The following NTNG1 variants were observed in gnomAD, a reference collection of about 807,000 sequenced individuals.
NTNG1 encodes netrin G1.
In NTNG1, 16 loss-of-function variants were observed where a neutral mutation model predicts 54.0. The observed-to-expected ratio is 0.30, with a 90% CI of 0.20 to 0.45. The LOEUF (loss-of-function observed/expected upper bound fraction) is 0.45, where lower values mean the gene tolerates loss of function less well. Among genes scored for constraint, NTNG1 ranks in the 20% least tolerant of loss-of-function variants. The probability of loss-of-function intolerance (pLI) is 1.00; values close to 1 mark genes in which losing one functional copy is unlikely to be tolerated. For synonymous variants in NTNG1, 255 were observed against 263.1 expected (o/e 0.97, Z 0.30); for missense variants, 530 against 678.7 (o/e 0.78, Z 2.43).
chr1:107,226,792 T>G (rs1179028647), intron 2 of NTNG1, among the ~76,000 whole-genome samples: 1 of 152,116 alleles, frequency 6.6e-6, no homozygotes, highest in Non-Finnish European at 1.5e-5. Flanking sequence ...GCTGGTTTCT[T>G]CCTCGCATGT....
chr1:107,377,780 C>G (rs1264716347), intron 3 of NTNG1, among the ~76,000 whole-genome samples: 1 of 152,200 alleles, frequency 6.6e-6, no homozygotes, highest in African/African-American at 2.4e-5. Flanking sequence ...GGGAATCTCC[C>G]TAGACGTGTG....
chr1:107,315,021 C>T (rs1389688046), intron 2 of NTNG1, among the ~76,000 whole-genome samples: 1 of 152,128 alleles, frequency 6.6e-6, no homozygotes, highest in African/African-American at 2.4e-5. Context: ...TCAAATTTAA[C>T]ATTTCCAGTC....
At chr1:107,211,640 C>G (rs1450881386) in intron 2 of NTNG1, among the ~76,000 whole-genome samples, 2 of 152,144 alleles carry the variant, frequency 1.3e-5, no homozygotes, top group East Asian at 1.9e-4. Flanking sequence ...GTGATGAGAT[C>G]TCTCACCAGA....
intron 6 of NTNG1, among the ~76,000 whole-genome samples, chr1:107,433,865 T>C (rs2101354588): frequency 6.6e-6 from 1 of 152,314 alleles, no homozygotes; most frequent in South Asian, 2.1e-4. Context: ...TCTGGCTCCT[T>C]TGCTAAGGTT....
Position 107,155,493 on chromosome 1 carries a change from C to T in NTNG1, c.246+6654C>T, listed in dbSNP as rs535498864. Among the ~76,000 whole-genome samples, 89 of 152,066 alleles carry T rather than the reference C, an allele frequency of 5.9e-4. 4 individuals carry two copies. The South Asian group carries it at 0.018, about 31-fold the overall frequency. ...TATCTAGATAGACATATATAGTAGC[C>T]AGCACTGCCTGTGTACTCAACTGTA... On this transcript the variant is annotated intron_variant, in intron 2 of 7. Transcript: ENST00000370068.
intron 2 of NTNG1, among the ~76,000 whole-genome samples, chr1:107,313,646 C>T (rs1275826108): frequency 6.6e-6 from 1 of 151,996 alleles, no homozygotes; most frequent in Non-Finnish European, 1.5e-5. Context: ...AGAAGGAAAA[C>T]AGGCAAAACA....
chr1:107,305,523 G>A (rs1403050364), intron 2 of NTNG1, among the ~76,000 whole-genome samples: 2 of 151,998 alleles, frequency 1.3e-5, no homozygotes, highest in South Asian at 2.1e-4. Context: ...TTTGTTGGCC[G>A]CATAAATGTC....
chr1:107,436,529 A>G (rs373774109), intron 6 of NTNG1, 136 bp from the exon 7 acceptor site: 10 of 614,586 alleles, frequency 1.6e-5, no homozygotes, highest in African/African-American at 1.9e-5. Flanking sequence ...TGAAATAGCC[A>G]TATTTGCCGA....
rs149580283 is a variant in NTNG1, at chr1:107,278,022, G to A, written c.247-46260G>A. Among the ~76,000 whole-genome samples the A allele has an allele frequency of 5.4e-3, 823 of 152,246 alleles. 23 individuals are homozygous for A. The highest frequency in any genetic ancestry group is 0.048 in the Admixed American group (732 of 15,294). ...TAGAAGGCAGTGCTATTAAAAACAC[G>A]TGATTGGTTTCCCTGCTCAATCCCA... On this transcript the variant is annotated intron_variant, in intron 2 of 7. Coordinates refer to ENST00000370068, the MANE Select transcript of NTNG1 (RefSeq NM_001113226.3).
intron 2 of NTNG1, among the ~76,000 whole-genome samples, chr1:107,291,524 C>CGT (rs1665604665): frequency 6.6e-6 from 1 of 151,784 alleles, no homozygotes. Flanking sequence ...TATGTGTGTA[C>CGT]GTGTGTGTGT....
At chr1:107,404,084 TATA>T (rs1159966116) in intron 4 of NTNG1, among the ~76,000 whole-genome samples, 1 of 3,848 alleles carries the variant, frequency 2.6e-4, no homozygotes, top group African/African-American at 2.8e-4. Context: ...TCTTAATTTA[TATA>T]TATATATATA....
At chr1:107,342,130 C>T (rs992598668) in intron 3 of NTNG1, among the ~76,000 whole-genome samples, 2 of 151,922 alleles carry the variant, frequency 1.3e-5, no homozygotes, top group Admixed American at 1.3e-4. Context: ...TTGAGTATAT[C>T]CTATTTTAAA....
intron 2 of NTNG1, among the ~76,000 whole-genome samples, chr1:107,163,859 G>A (rs771458459): frequency 8.5e-5 from 13 of 152,286 alleles, no homozygotes; most frequent in Non-Finnish European, 1.8e-4. Context: ...GGCTCAATAT[G>A]TTGGCTCTCA....
intron 2 of NTNG1, among the ~76,000 whole-genome samples, chr1:107,292,449 A>C (rs1665673908): frequency 6.6e-6 from 1 of 152,186 alleles, no homozygotes; most frequent in South Asian, 2.1e-4. Context: ...CAGCAGTGTC[A>C]GGCGATCCTC....
rs1678892494 is a variant in NTNG1 at position 107,484,105 on chromosome 1, C to A, written c.*3265C>A. On this transcript the variant is annotated 3_prime_UTR_variant, in exon 8 of 8. Transcript: ENST00000370068. ...GGGGGTTTAAACTCCTGGAGGCAAG[C>A]AACATCCTGAGTGCATATACCTGGG... Among the ~76,000 whole-genome samples, 2 of 152,192 alleles carry A rather than the reference C, an allele frequency of 1.3e-5. No homozygotes were observed. The highest frequency in any genetic ancestry group is 1.9e-4 in the East Asian group (1 of 5,176).
intron 2 of NTNG1, among the ~76,000 whole-genome samples, chr1:107,268,596 T>C (rs1171211665): frequency 3.9e-5 from 6 of 152,070 alleles, no homozygotes; most frequent in African/African-American, 1.4e-4. Context: ...ACCAGTCTCA[T>C]GGCTTTAAGT....
At chr1:107,393,306 G>A (rs1672477720) in intron 3 of NTNG1, among the ~76,000 whole-genome samples, 1 of 152,046 alleles carries the variant, frequency 6.6e-6, no homozygotes, top group Non-Finnish European at 1.5e-5. Context: ...TATCACTTAG[G>A]TTTTAAACAT....
chr1:107,170,040 T>C (rs1212547541), intron 2 of NTNG1, among the ~76,000 whole-genome samples: 1 of 152,140 alleles, frequency 6.6e-6, no homozygotes, highest in Non-Finnish European at 1.5e-5. Context: ...TCTAGGATAA[T>C]CTCCCTTACT....
intron 2 of NTNG1, among the ~76,000 whole-genome samples, chr1:107,308,968 C>T (rs552889232): frequency 4.6e-5 from 7 of 152,080 alleles, no homozygotes; most frequent in African/African-American, 1.2e-4. Context: ...TCATTTTCAC[C>T]GTCTTCCAGA....
Sources: gnomAD v4.1 joint callset for allele counts (sites outside exome capture counted in the v4.1 genomes callset) on GRCh38, gnomAD v4.1.1 for gene constraint, MANE v1.5 for transcripts, NCBI Gene and HGNC (gene_info 2026-07-23, HGNC 2026-07-21) for gene names.